Variants in ANGEL2 observed in about 807,000 individuals in gnomAD.
ANGEL2 encodes RNA 2',3'-cyclic phosphatase ANGEL2.
A neutral mutation model predicts 66.0 loss-of-function variants in ANGEL2; 41 were observed. The ratio of observed to expected loss-of-function variants is 0.62; its 90% confidence interval spans 0.48 to 0.81. The LOEUF (loss-of-function observed/expected upper bound fraction) is 0.81. Ranked by LOEUF, ANGEL2 falls within the 30% of genes least tolerant of loss-of-function variation. The pLI is 0.00. For missense variants in ANGEL2, 561 were observed against 641.6 expected (o/e 0.87, Z 1.36); for synonymous variants, 208 against 226.5 (o/e 0.92, Z 0.73).
intron 1 of ANGEL2, 89 bp downstream of exon 1, chr1:213,015,524 G>GC: frequency 9.8e-5 from 35 of 356,898 alleles, no homozygotes; most frequent in South Asian, 4.4e-4. Context: ...AGCCCGCCCC[G>GC]CCCCGCCCCG....
chr1:213,011,866 TATC>T (rs1277564015), intron 2 of ANGEL2, among the ~76,000 whole-genome samples: 1 of 152,230 alleles, frequency 6.6e-6, no homozygotes, highest in Non-Finnish European at 1.5e-5. Context: ...AGCAATCTGG[TATC>T]ATCATACTGC....
intron 1 of ANGEL2, chr1:213,015,406 C>T: frequency 7.0e-7 from 1 of 1,425,598 alleles, no homozygotes; most frequent in South Asian, 1.5e-5. Flanking sequence ...ACCTCGTTGG[C>T]CCAGCGTCCC....
At chr1:213,008,110 T>A in intron 3 of ANGEL2, 100 bp downstream of exon 3, 1 of 1,340,728 alleles carries the variant, frequency 7.5e-7, no homozygotes, top group Middle Eastern at 2.7e-4. Flanking sequence ...GTGATCCACC[T>A]GCCTCAGCCT....
chr1:213,015,478 C>A, intron 1 of ANGEL2, 135 bp downstream of exon 1: 1 of 1,473,770 alleles, frequency 6.8e-7, no homozygotes, highest in Non-Finnish European at 9.0e-7. Flanking sequence ...CCGGATGCAC[C>A]ATCGCCCAGA....
chr1:213,008,407 G>A lies in ANGEL2; in HGVS notation c.445C>T (p.Leu149=). The A allele has an allele frequency of 6.2e-7, 1 of 1,613,944 alleles. No individual in the cohort carries two copies. Among genetic ancestry groups the A allele is most frequent in the South Asian group, 1.1e-5 (1 of 91,078 alleles). Residue 149 remains leucine, a synonymous_variant, in exon 3 of 9, where the codon CTA becomes TTA. Transcript: ENST00000366962. Reference sequence around the variant, plus strand: ...TTGGGATCAACATTTTTGTCTCCTAGGATCTTCGTTTTTTCTTTATCATGG... The same window carrying A: ...TTGGGATCAACATTTTTGTCTCCTAAGATCTTCGTTTTTTCTTTATCATGG... ...CSHDKEKTKI[L]GDKNVDPKCE...
chr1:212,999,139 C>T (rs1032248099), intron 7 of ANGEL2, among the ~76,000 whole-genome samples: 2 of 148,658 alleles, frequency 1.3e-5, no homozygotes, highest in African/African-American at 2.5e-5. Context: ...CCCAAAGTGC[C>T]GAGATTACAG....
intron 7 of ANGEL2, among the ~76,000 whole-genome samples, chr1:212,998,122 G>C (rs1199105144): frequency 6.6e-6 from 1 of 151,970 alleles, no homozygotes; most frequent in Non-Finnish European, 1.5e-5. Context: ...CGGACGCGGT[G>C]GCTCACACCT....
chr1:213,003,079 A>T (rs1463254222), intron 5 of ANGEL2, among the ~76,000 whole-genome samples: 2 of 152,084 alleles, frequency 1.3e-5, no homozygotes, highest in South Asian at 2.1e-4. Context: ...AAACCTCATA[A>T]ATTAACCTCT....
At chr1:213,007,072 G>C in intron 4 of ANGEL2, 57 bp downstream of exon 4, 2 of 1,492,488 alleles carry the variant, frequency 1.3e-6, no homozygotes, top group Non-Finnish European at 1.8e-6. Flanking sequence ...CCAGTTGGGC[G>C]ACAGAGTGAG....
intron 2 of ANGEL2, among the ~76,000 whole-genome samples, chr1:213,012,393 G>C (rs773074985): frequency 2.6e-5 from 4 of 152,174 alleles, no homozygotes; most frequent in South Asian, 2.1e-4. Flanking sequence ...CAGGAGATGG[G>C]GTTGTGATGG....
chr1:212,999,475 T>A (rs913314509), intron 7 of ANGEL2, among the ~76,000 whole-genome samples: 20 of 152,312 alleles, frequency 1.3e-4, no homozygotes, highest in Admixed American at 3.9e-4. Context: ...AAAATTTTTT[T>A]AAAAATTGCT....
chr1:212,992,431 T>C lies in ANGEL2; in HGVS notation c.*2610A>G, dbSNP rs1049768178. 2.0e-5 allele frequency: 3 copies of C among 152,254 alleles called. No homozygotes were observed. Among genetic ancestry groups the C allele is most frequent in the African/African-American group, 4.8e-5 (2 of 41,466 alleles). The allele number at this position is 152,254 out of a possible 1,614,324, so 9.4% of individuals were successfully genotyped here. On this transcript the variant is annotated 3_prime_UTR_variant, in exon 9 of 9. Transcript: ENST00000366962. Reference sequence around the variant, plus strand: ...TTTACCTTTCCATTTAAAACTTGGATAGTATAACACTTGAGACTGAGAGAT... The same window carrying C: ...TTTACCTTTCCATTTAAAACTTGGACAGTATAACACTTGAGACTGAGAGAT...
intron 1 of ANGEL2, chr1:213,015,204 G>A (rs939277817): frequency 2.9e-6 from 3 of 1,042,934 alleles, no homozygotes; most frequent in Non-Finnish European, 2.3e-6. Flanking sequence ...GCCTCCAAGG[G>A]ATCAGGCCCG....
At chr1:213,010,805 T>C (rs192692109) in intron 2 of ANGEL2, among the ~76,000 whole-genome samples, 4 of 152,346 alleles carry the variant, frequency 2.6e-5, no homozygotes, top group East Asian at 1.9e-4. Flanking sequence ...TATTTCCTTA[T>C]AAAACATGTA....
Position 212,994,928 on chromosome 1 carries a change from C to T in ANGEL2, c.*113G>A, listed in dbSNP as rs778911813. The T allele has an allele frequency of 6.1e-5, 58 of 956,312 alleles. No individual in the cohort carries two copies. The highest frequency in any genetic ancestry group is 7.6e-5 in the Non-Finnish European group (54 of 710,510). 59.2% of individuals were successfully genotyped at this position (956,312 alleles called of 1,614,324 possible). On this transcript the variant is annotated 3_prime_UTR_variant, in exon 9 of 9. Coordinates refer to ENST00000366962, the MANE Select transcript of ANGEL2 (RefSeq NM_144567.5). ...GGAGTTTCAAAGCATCTAACATAAC[C>T]GCTTCAGAATCTCCACAGTGCAAAA...
rs1248449154 is a variant in ANGEL2, at chr1:212,994,374, G to A, written c.*667C>T. ...TCTGCCTCTATTAAGCCCACCTCTT[G>A]TCTGTTCCAGGGTGAAAGAGTGAGC... On this transcript the variant is annotated 3_prime_UTR_variant, in exon 9 of 9. Coordinates refer to ENST00000366962, the MANE Select transcript of ANGEL2 (RefSeq NM_144567.5). The A allele has an allele frequency of 6.6e-6, 1 of 152,182 alleles. No homozygotes were observed. The highest frequency in any genetic ancestry group is 1.5e-5 in the Non-Finnish European group (1 of 68,038). 9.4% of individuals were successfully genotyped at this position (152,182 alleles called of 1,614,324 possible). A position where few individuals can be genotyped will look rare whatever the true frequency, so the allele number is the denominator to read the frequency against.
At chr1:212,999,296 G>A (rs2076114246) in intron 7 of ANGEL2, among the ~76,000 whole-genome samples, 1 of 152,196 alleles carries the variant, frequency 6.6e-6, no homozygotes, top group Non-Finnish European at 1.5e-5. Flanking sequence ...TTATAGGCGT[G>A]AGCCAACACG....
intron 1 of ANGEL2, chr1:213,015,376 A>T: frequency 1.4e-6 from 2 of 1,413,538 alleles, no homozygotes; most frequent in Non-Finnish European, 1.8e-6. Context: ...CGGCCCATGA[A>T]CTCCGCGCCA....
chr1:213,015,519 GC>G, intron 1 of ANGEL2, 93 bp downstream of exon 1: 1 of 369,830 alleles, frequency 2.7e-6, no homozygotes, highest in Admixed American at 6.6e-5. Context: ...CCCCTAGCCC[GC>G]CCCGCCCCGC....
Sources: gnomAD v4.1 joint callset for allele counts (sites outside exome capture counted in the v4.1 genomes callset) on GRCh38, gnomAD v4.1.1 for gene constraint, MANE v1.5 for transcripts, NCBI Gene and HGNC (gene_info 2026-07-23, HGNC 2026-07-21) for gene names.